LGR5: variants seen among roughly 807,000 people sequenced by gnomAD.
LGR5 encodes leucine rich repeat containing G protein-coupled receptor 5.
A neutral mutation model predicts 76.7 loss-of-function variants in LGR5; 54 were observed. The observed-to-expected ratio is 0.70, with a 90% CI of 0.57 to 0.88. The LOEUF (loss-of-function observed/expected upper bound fraction) is 0.88, where lower values mean the gene tolerates loss of function less well. LGR5 is among the 40% of genes least tolerant of loss of function. The pLI is 0.00. For missense variants in LGR5, 1,078 were observed against 1,073.3 expected, an observed-to-expected ratio of 1.00 and a Z score of -0.06; for synonymous variants, 406 against 421.9, an observed-to-expected ratio of 0.96 and a Z score of 0.46.
intron 1 of LGR5, among the ~76,000 whole-genome samples, chr12:71,443,931 T>C (rs1421132281): frequency 1.3e-5 from 2 of 152,228 alleles, no homozygotes; most frequent in African/African-American, 4.8e-5. Flanking sequence ...TTTTTAATTA[T>C]ATGTAGTTTG....
intron 1 of LGR5, among the ~76,000 whole-genome samples, chr12:71,475,994 G>T (rs1592471958): frequency 1.3e-5 from 2 of 152,214 alleles, no homozygotes; most frequent in South Asian, 4.1e-4. Context: ...CTGATATGTT[G>T]GGGATTGACA....
At chr12:71,583,519 A>G in intron 17 of LGR5, 128 bp from the exon 18 acceptor site, 2 of 1,034,824 alleles carry the variant, frequency 1.9e-6, no homozygotes, top group Non-Finnish European at 2.9e-6. Context: ...GCACATGGGC[A>G]CTGTGTGTTA....
At chr12:71,558,245 A>G (rs995626203) in intron 6 of LGR5, among the ~76,000 whole-genome samples, 8 of 152,216 alleles carry the variant, frequency 5.3e-5, no homozygotes, top group African/African-American at 1.9e-4. Context: ...AGCCCTTTTG[A>G]ACAATAACAG....
chr12:71,475,237 G>T lies in LGR5; in HGVS notation c.213-29377G>T, dbSNP rs77956220. Among the ~76,000 whole-genome samples the T allele has an allele frequency of 6.5e-3, 985 of 152,192 alleles. 9 individuals carry two copies. Among genetic ancestry groups the T allele is most frequent in the African/African-American group, 0.022 (923 of 41,536 alleles). Reference sequence around the variant, plus strand: ...AATGACACAAAAATGACAAAAAAAAGTTGGCTATCAAGAAAGAAGGAAAAT... The same window carrying T: ...AATGACACAAAAATGACAAAAAAAATTTGGCTATCAAGAAAGAAGGAAAAT... On this transcript the variant is annotated intron_variant, in intron 1 of 17. Transcript: ENST00000266674.
chr12:71,572,736 C>T (rs1296629160), intron 12 of LGR5, 114 bp from the exon 13 acceptor site: 25 of 714,910 alleles, frequency 3.5e-5, no homozygotes, highest in East Asian at 1.6e-4. Flanking sequence ...GATAGATACA[C>T]TTCATGTGTT....
rs1871692803 is a variant in LGR5, at chr12:71,440,181, G to A, written c.101G>A (p.Cys34Tyr). 1 of 1,612,056 alleles carries A rather than the reference G, an allele frequency of 6.2e-7. No homozygotes were observed. The highest frequency in any genetic ancestry group is 8.5e-7 in the Non-Finnish European group (1 of 1,179,708). ...SPRSGVLLRG[C>Y]PTHCHCEPDG... ...AGGTCTGGTGTGTTGCTGAGGGGCT[G>A]CCCCACACACTGTCATTGCGAGCCC... The change falls in exon 1 of 18, where the codon TGC (cysteine) becomes TAC (tyrosine). Residue 34 changes from cysteine to tyrosine, a missense_variant. Transcript: ENST00000266674. This position sits in a 1 kb window ranked among gnomAD's most constrained non-coding sequence, Gnocchi z 5.3.
chr12:71,522,011 A>G (rs1262969439), intron 2 of LGR5, among the ~76,000 whole-genome samples: 2 of 152,198 alleles, frequency 1.3e-5, no homozygotes, highest in Non-Finnish European at 2.9e-5. Flanking sequence ...GTCCTTTGGT[A>G]GCACTGAGGT....
intron 1 of LGR5, among the ~76,000 whole-genome samples, chr12:71,492,705 C>CT (rs1357145119): frequency 1.3e-5 from 2 of 152,148 alleles, no homozygotes; most frequent in East Asian, 3.8e-4. Context: ...AGTGGACAAT[C>CT]TTTTTTCCAA....
intron 3 of LGR5, among the ~76,000 whole-genome samples, chr12:71,527,930 T>G (rs894667539): frequency 6.6e-6 from 1 of 152,200 alleles, no homozygotes; most frequent in Non-Finnish European, 1.5e-5. Flanking sequence ...GCATAAAGAA[T>G]TCTCCCTTAT....
intron 1 of LGR5, among the ~76,000 whole-genome samples, chr12:71,473,589 C>A (rs1435385314): frequency 6.6e-6 from 1 of 151,576 alleles, no homozygotes. Flanking sequence ...ACCGGGGCAA[C>A]ATAGTGAGAT....
intron 1 of LGR5, among the ~76,000 whole-genome samples, chr12:71,484,887 T>C (rs974948338): frequency 1.4e-4 from 21 of 152,332 alleles, no homozygotes; most frequent in African/African-American, 4.6e-4. Context: ...CGAGCTTTGG[T>C]TTAAGTGTCT....
rs987805773 is a variant in LGR5 at position 71,472,529 on chromosome 12, A to G, written c.213-32085A>G. On this transcript the variant is annotated intron_variant, in intron 1 of 17. Coordinates refer to ENST00000266674, the MANE Select transcript of LGR5 (RefSeq NM_003667.4). ...ATCACTCCAAGGGAGAGCTGCCCCA[A>G]TAGATATAATAGGTTTCACAAAGCT... 1.3e-3 allele frequency among the ~76,000 whole-genome samples: 193 copies of G among 152,222 alleles called. 1 individual carries two copies. Among genetic ancestry groups the G allele is most frequent in the Non-Finnish European group, 1.3e-3 (86 of 68,030 alleles).
chr12:71,469,822 C>A (rs1873019619), intron 1 of LGR5, among the ~76,000 whole-genome samples: 1 of 152,104 alleles, frequency 6.6e-6, no homozygotes. Flanking sequence ...CCACTGCCTC[C>A]CCGCCGCCCC....
At chr12:71,551,525 G>C (rs1338871558) in intron 4 of LGR5, among the ~76,000 whole-genome samples, 1 of 151,986 alleles carries the variant, frequency 6.6e-6, no homozygotes, top group Non-Finnish European at 1.5e-5. Context: ...AAATGCAAAT[G>C]TGTGCGTCTT....
chr12:71,473,838 T>A (rs1388671031), intron 1 of LGR5, among the ~76,000 whole-genome samples: 1 of 152,134 alleles, frequency 6.6e-6, no homozygotes, highest in Non-Finnish European at 1.5e-5. Context: ...TCTGTATTCA[T>A]TTGCAATCAT....
intron 1 of LGR5, among the ~76,000 whole-genome samples, chr12:71,446,574 A>T (rs1057103196): frequency 6.6e-6 from 1 of 152,226 alleles, no homozygotes; most frequent in African/African-American, 2.4e-5. Flanking sequence ...TCCATTGCTC[A>T]AAATATTTTT....
chr12:71,562,294 G>A (rs775138754), intron 8 of LGR5, among the ~76,000 whole-genome samples: 2 of 152,128 alleles, frequency 1.3e-5, no homozygotes, highest in Non-Finnish European at 2.9e-5. Flanking sequence ...ACTGTTTTGT[G>A]CTAAGCCTCT....
At chr12:71,454,935 G>A (rs527261790) in intron 1 of LGR5, among the ~76,000 whole-genome samples, 4 of 152,008 alleles carry the variant, frequency 2.6e-5, no homozygotes, top group African/African-American at 9.6e-5. Flanking sequence ...CCTGGGAACT[G>A]GGAAATGATT....
chr12:71,575,734 G>A (rs1362777445), intron 13 of LGR5, among the ~76,000 whole-genome samples: 3 of 149,818 alleles, frequency 2.0e-5, no homozygotes, highest in Non-Finnish European at 3.0e-5. Context: ...GTGTGTGTGT[G>A]TGTGTGTGTG....
Sources: allele counts gnomAD v4.1 joint callset (sites outside exome capture counted in the v4.1 genomes callset), GRCh38; gene constraint gnomAD v4.1.1; non-coding constraint Gnocchi (gnomAD v3.1); transcripts MANE v1.5; gene names NCBI Gene and HGNC (gene_info 2026-07-23, HGNC 2026-07-21).